The following FER1L6 variants were observed in gnomAD, a reference collection of about 807,000 sequenced individuals.
The protein encoded by FER1L6 is fer-1 like family member 6.
Under a neutral mutation model 219.2 loss-of-function variants are expected in FER1L6, and 177 were observed. The ratio of observed to expected loss-of-function variants is 0.81; its 90% confidence interval spans 0.71 to 0.91. FER1L6 has a LOEUF of 0.91. Among genes scored for constraint, FER1L6 ranks in the 40% least tolerant of loss-of-function variants. The pLI, the probability that FER1L6 is intolerant of heterozygous loss-of-function variation, is 0.00. For synonymous variants in FER1L6, 768 were observed against 824.3 expected (o/e 0.93, Z 1.17); for missense variants, 2,153 against 2,259.9 (o/e 0.95, Z 0.96).
chr8:123,963,170 C>T (rs750880899), intron 2 of FER1L6, 108 bp from the exon 3 acceptor site: 5 of 1,434,936 alleles, frequency 3.5e-6, no homozygotes, highest in Non-Finnish European at 4.7e-6. Flanking sequence ...GTCTTCTAGT[C>T]TCTTTGTACC....
At position 124,010,669 on chromosome 8, in the gene FER1L6, C is replaced by T; in HGVS notation, c.1776C>T (p.Phe592=). 2 of 1,614,040 alleles carry T rather than the reference C, an allele frequency of 1.2e-6. No individual in the cohort carries two copies. Among genetic ancestry groups the T allele is most frequent in the Non-Finnish European group, 1.7e-6 (2 of 1,179,982 alleles). Residue 592 remains phenylalanine (F), a synonymous_variant, in exon 14 of 41, where the codon TTC becomes TTT. Coordinates refer to ENST00000522917, the MANE Select transcript of FER1L6 (RefSeq NM_001039112.2). ...TCAGCTCTTGGGGAGACCAGACCTT[C>T]AGGCTGCACTGGTCCAACATGCTGG... ...YFISSWGDQT[F]RLHWSNMLEK...
chr8:123,858,062 T>C (rs566529056), intron 1 of FER1L6, among the ~76,000 whole-genome samples: 4 of 152,250 alleles, frequency 2.6e-5, no homozygotes, highest in African/African-American at 9.6e-5. Context: ...GGTCATCCCT[T>C]CCCCTCCTTC....
At chr8:123,953,271 C>T (rs1395369601) in intron 1 of FER1L6, among the ~76,000 whole-genome samples, 2 of 152,144 alleles carry the variant, frequency 1.3e-5, no homozygotes, top group Non-Finnish European at 2.9e-5. Context: ...ATCAGCCCAC[C>T]CAAGAGGGCC....
At position 124,069,126 on chromosome 8, in the gene FER1L6, C is replaced by T. The variant is rs200653976; in HGVS notation, c.3719-234C>T. Among the ~76,000 whole-genome samples, 34 of 151,674 alleles carry T rather than the reference C, an allele frequency of 2.2e-4. No individual in the cohort carries two copies. The East Asian group carries it at 3.3e-3, about 15-fold the overall frequency. Reference sequence around the variant, plus strand: ...TAATTTTTTGTATTTTTAATAGAGACGGGGTTTCACCGTGTTAGCCAGGAT... The same window carrying T: ...TAATTTTTTGTATTTTTAATAGAGATGGGGTTTCACCGTGTTAGCCAGGAT... On this transcript the variant is annotated intron_variant, in intron 28 of 40. Transcript: ENST00000522917.
At chr8:124,013,564 T>G in intron 15 of FER1L6, 33 bp downstream of exon 15, 7 of 1,458,518 alleles carry the variant, frequency 4.8e-6, no homozygotes, top group Non-Finnish European at 6.5e-6. Flanking sequence ...TAGGCGGAGC[T>G]GAGCTTCTGT....
chr8:123,988,723 G>A (rs1816709944), intron 12 of FER1L6, among the ~76,000 whole-genome samples: 1 of 152,084 alleles, frequency 6.6e-6, no homozygotes, highest in South Asian at 2.1e-4. Context: ...ACAGGTTTTT[G>A]GTGGAATATT....
chr8:123,921,735 G>A (rs932281007), intron 1 of FER1L6, among the ~76,000 whole-genome samples: 2 of 152,000 alleles, frequency 1.3e-5, no homozygotes, highest in Non-Finnish European at 2.9e-5. Flanking sequence ...CAAGCTGTGG[G>A]GTATCTGGGG....
intron 1 of FER1L6, among the ~76,000 whole-genome samples, chr8:123,866,256 G>A (rs957807964): frequency 1.3e-5 from 2 of 151,724 alleles, no homozygotes; most frequent in Non-Finnish European, 2.9e-5. Context: ...TGTTGTCACA[G>A]ATGTCAGCAT....
intron 32 of FER1L6, among the ~76,000 whole-genome samples, chr8:124,078,183 AGATGGATG>A (rs60540951): frequency 2.0e-5 from 3 of 151,984 alleles, no homozygotes; most frequent in African/African-American, 7.3e-5. Context: ...TGGAATGAAC[AGATGGATG>A]GATGGATGGA....
rs780307844 is a variant in FER1L6, at chr8:124,023,479, G to A, written c.2169G>A (p.Met723Ile). ...CTATCCCTGACGTTTTCATCTGGAT[G>A]CTCAGCAACAACAGGAGAGTGGCCT... is the stretch of plus-strand genomic sequence containing the variant. ...QHTIPDVFIWMLSNNRRVAYA... is the reference protein window; with the variant it reads ...QHTIPDVFIWILSNNRRVAYA... The change falls in exon 18 of 41, where the codon ATG becomes ATA. Residue 723 changes from methionine to isoleucine, a missense_variant. Met to Ile is a conservative substitution (Grantham distance 10, BLOSUM62 1). Transcript: ENST00000522917. The A allele has an allele frequency of 2.3e-5, 37 of 1,614,122 alleles. No individual in the cohort carries two copies. In the South Asian group the frequency reaches 3.4e-4, roughly 15 times the overall value.
At chr8:124,061,795 G>T in intron 24 of FER1L6, 57 bp from the exon 25 acceptor site, 1 of 1,564,226 alleles carries the variant, frequency 6.4e-7, no homozygotes, top group Non-Finnish European at 8.8e-7. Context: ...AGCTGGCTTT[G>T]GGTCTGCCCA....
intron 39 of FER1L6, among the ~76,000 whole-genome samples, chr8:124,110,246 CATTT>C (rs1245670234): frequency 1.3e-5 from 2 of 152,156 alleles, no homozygotes; most frequent in Non-Finnish European, 2.9e-5. Context: ...TATACTAATT[CATTT>C]ATCTGCTAAA....
At chr8:124,002,075 G>A in intron 12 of FER1L6, among the ~76,000 whole-genome samples, 1 of 152,152 alleles carries the variant, frequency 6.6e-6, no homozygotes, top group East Asian at 1.9e-4. Context: ...CACAGACTTG[G>A]CCCCACTTTG....
chr8:123,912,775 A>G (rs1813077213), intron 1 of FER1L6, among the ~76,000 whole-genome samples: 1 of 152,216 alleles, frequency 6.6e-6, no homozygotes, highest in African/African-American at 2.4e-5. Context: ...GGTTAAAAAT[A>G]AAAGAAAATC....
intron 39 of FER1L6, among the ~76,000 whole-genome samples, chr8:124,115,466 A>C (rs1285153707): frequency 1.3e-5 from 2 of 152,112 alleles, no homozygotes; most frequent in African/African-American, 4.8e-5. Context: ...AAGGCTCTTC[A>C]TGATGATAAC....
In FER1L6 at chr8:124,021,613, GA is replaced by G. The variant is rs1312499469; in HGVS notation, c.2080del (p.Met694Ter). On this transcript the variant is annotated frameshift_variant, in exon 17 of 41. Coordinates refer to ENST00000522917, the MANE Select transcript of FER1L6 (RefSeq NM_001039112.2). LOFTEE classifies it high-confidence loss of function. ...QQQKKKLSVDEMIHEAQNFVE... is the reference protein window; with the variant it reads ...QQQKKKLSVDXMIHEAQNFVE... ...GCAGAAGAAAAAGTTATCTGTTGAT[GA>G]AATGATTCACGAAGCCCAAAACTTT... 5 of 1,614,068 alleles carry G rather than the reference GA, an allele frequency of 3.1e-6. No homozygotes were observed. Among genetic ancestry groups the G allele is most frequent in the Non-Finnish European group, 4.2e-6 (5 of 1,180,014 alleles).
intron 1 of FER1L6, among the ~76,000 whole-genome samples, chr8:123,889,284 C>T (rs982307220): frequency 5.3e-5 from 8 of 152,040 alleles, no homozygotes; most frequent in African/African-American, 1.9e-4. Context: ...AAACAGATAA[C>T]AAGGAAATGA....
At chr8:123,905,452 TACC>T (rs1456243889) in intron 1 of FER1L6, among the ~76,000 whole-genome samples, 1 of 152,210 alleles carries the variant, frequency 6.6e-6, no homozygotes, top group Non-Finnish European at 1.5e-5. Context: ...GGTGTATATG[TACC>T]ACATTTTCTT....
chr8:124,021,109 T>C (rs1818435686), intron 16 of FER1L6, among the ~76,000 whole-genome samples: 1 of 152,066 alleles, frequency 6.6e-6, no homozygotes, highest in Admixed American at 6.6e-5. Flanking sequence ...CTATCAGATC[T>C]CATGAGAACC....
Sources: allele counts gnomAD v4.1 joint callset (sites outside exome capture counted in the v4.1 genomes callset), GRCh38; gene constraint gnomAD v4.1.1; transcripts MANE v1.5; gene names NCBI Gene and HGNC (gene_info 2026-07-23, HGNC 2026-07-21).